VWA3B: variants seen among roughly 807,000 people sequenced by gnomAD.
VWA3B encodes von Willebrand factor A domain containing 3B, also known as von Willebrand factor A domain-containing protein 3B.
Under a neutral mutation model 158.3 loss-of-function variants are expected in VWA3B, and 138 were observed. That is an observed-to-expected ratio of 0.87 (90% CI 0.76 to 1.00). The LOEUF is 1.00. Ranked by LOEUF, VWA3B falls within the 50% of genes least tolerant of loss-of-function variation. VWA3B has a pLI of 0.00. For missense variants in VWA3B, 1,555 were observed against 1,565.1 expected (o/e 0.99, Z 0.11); for synonymous variants, 596 against 587.3 (o/e 1.01, Z -0.21).
At chr2:98,301,026 C>T (rs1410737308) in intron 25 of VWA3B, among the ~76,000 whole-genome samples, 1 of 152,180 alleles carries the variant, frequency 6.6e-6, no homozygotes, top group African/African-American at 2.4e-5. Flanking sequence ...TGCGGTGGCT[C>T]ACGCCTGTAA....
intron 2 of VWA3B, among the ~76,000 whole-genome samples, chr2:98,100,997 C>T (rs575441627): frequency 2.1e-4 from 32 of 152,154 alleles, no homozygotes; most frequent in Non-Finnish European, 4.4e-5. Flanking sequence ...GCCTTCATCT[C>T]TGTTCTTTCT....
chr2:98,305,233 C>T (rs943579063), intron 26 of VWA3B, among the ~76,000 whole-genome samples: 6 of 152,208 alleles, frequency 3.9e-5, no homozygotes, highest in Non-Finnish European at 5.9e-5. Flanking sequence ...GACCCCATGT[C>T]TCCTTCTCCA....
chr2:98,099,866 C>A (rs1682965168), intron 2 of VWA3B, among the ~76,000 whole-genome samples: 1 of 151,840 alleles, frequency 6.6e-6, no homozygotes, highest in Non-Finnish European at 1.5e-5. Flanking sequence ...TTGCATTTTT[C>A]TTTGTGTTCA....
intron 7 of VWA3B, among the ~76,000 whole-genome samples, chr2:98,139,174 TC>T (rs1292348676): frequency 2.0e-5 from 3 of 152,042 alleles, no homozygotes; most frequent in African/African-American, 7.2e-5. Context: ...GTGTACTGGG[TC>T]CCCCAGCAGT....
At chr2:98,175,696 T>A (rs1679954395) in intron 8 of VWA3B, among the ~76,000 whole-genome samples, 1 of 152,152 alleles carries the variant, frequency 6.6e-6, no homozygotes, top group African/African-American at 2.4e-5. Context: ...GATGAAAACA[T>A]TAATTTACCC....
chr2:98,179,707 C>A (rs1680321235), intron 8 of VWA3B, among the ~76,000 whole-genome samples: 1 of 149,724 alleles, frequency 6.7e-6, no homozygotes, highest in Non-Finnish European at 1.5e-5. Context: ...CTTTTTCTTT[C>A]TTTCTTCTTT....
At chr2:98,200,031 T>A (rs1682394162) in intron 12 of VWA3B, among the ~76,000 whole-genome samples, 1 of 152,202 alleles carries the variant, frequency 6.6e-6, no homozygotes, top group Admixed American at 6.5e-5. Context: ...GTCAGGTTGT[T>A]TTATTTTAGA....
chr2:98,128,288 A>G lies in VWA3B; in HGVS notation c.752A>G (p.Lys251Arg), dbSNP rs1336275385. ...GTGGGGGATGTTCCTGAAGAATCCAAGGAGCTTCTCCTCCAGAGGGCCTTG... is the reference window on the plus strand; with the variant it reads ...GTGGGGGATGTTCCTGAAGAATCCAGGGAGCTTCTCCTCCAGAGGGCCTTG... Reference protein sequence around the residue: ...FVVGDVPEESKELLLQRALEI... With the variant: ...FVVGDVPEESRELLLQRALEI... Residue 251 changes from lysine to arginine, a missense_variant, in exon 6 of 28, where the codon AAG (lysine) becomes AGG (arginine). Transcript: ENST00000477737. 1 of 1,614,230 alleles carries G rather than the reference A, an allele frequency of 6.2e-7. No individual in the cohort carries two copies. The highest frequency in any genetic ancestry group is 2.2e-5 in the East Asian group (1 of 44,886).
At chr2:98,170,141 G>T (rs564954054) in intron 8 of VWA3B, among the ~76,000 whole-genome samples, 20 of 152,184 alleles carry the variant, frequency 1.3e-4, no homozygotes, top group African/African-American at 4.1e-4. Flanking sequence ...TGAATGAATG[G>T]ATGAATGAAT....
At chr2:98,181,879 A>T (rs897363376) in intron 9 of VWA3B, among the ~76,000 whole-genome samples, 1 of 152,222 alleles carries the variant, frequency 6.6e-6, no homozygotes, top group Non-Finnish European at 1.5e-5. Flanking sequence ...CCCCCAGATG[A>T]TGCTAACACT....
intron 19 of VWA3B, among the ~76,000 whole-genome samples, chr2:98,239,679 C>A (rs1418250532): frequency 6.6e-6 from 1 of 151,788 alleles, no homozygotes. Context: ...CTTCAGGAGG[C>A]CGAGGCAGCG....
chr2:98,226,052 G>A (rs1445862789), intron 14 of VWA3B, among the ~76,000 whole-genome samples: 1 of 152,280 alleles, frequency 6.6e-6, no homozygotes, highest in East Asian at 1.9e-4. Context: ...AAAAACCCCA[G>A]AAAAGTTTTT....
intron 1 of VWA3B, among the ~76,000 whole-genome samples, chr2:98,090,848 T>C (rs1330415347): frequency 2.6e-5 from 4 of 151,728 alleles, no homozygotes; most frequent in African/African-American, 9.7e-5. Context: ...CTCGAACTCC[T>C]GGGCTCAAGC....
chr2:98,171,290 G>A (rs1342837784), intron 8 of VWA3B, among the ~76,000 whole-genome samples: 1 of 152,146 alleles, frequency 6.6e-6, no homozygotes, highest in African/African-American at 2.4e-5. Flanking sequence ...CACAAATGGG[G>A]TATTTACGAT....
At chr2:98,326,367 T>C in the VWA3B span, among the ~76,000 whole-genome samples, 1 of 152,210 alleles carries the variant, frequency 6.6e-6, no homozygotes, top group South Asian at 2.1e-4. Context: ...TAAATTACCT[T>C]ATATCTATGA....
intron 9 of VWA3B, among the ~76,000 whole-genome samples, chr2:98,185,597 C>T (rs1469372150): frequency 1.3e-5 from 2 of 152,236 alleles, no homozygotes; most frequent in Non-Finnish European, 2.9e-5. Flanking sequence ...ACTCCACTCA[C>T]TCTCTGCAGG....
At chr2:98,176,365 C>T (rs951011803) in intron 8 of VWA3B, among the ~76,000 whole-genome samples, 2 of 143,024 alleles carry the variant, frequency 1.4e-5, no homozygotes, top group African/African-American at 5.2e-5. Context: ...AATTTCAGGT[C>T]ACTCAGTCTA....
intron 12 of VWA3B, among the ~76,000 whole-genome samples, chr2:98,208,022 G>T (rs1449356387): frequency 6.6e-6 from 1 of 151,218 alleles, no homozygotes; most frequent in Non-Finnish European, 1.5e-5. Flanking sequence ...ATCAAATTTT[G>T]CTTCATGTGT....
chr2:98,327,893 G>A, the VWA3B span, among the ~76,000 whole-genome samples: 1 of 152,172 alleles, frequency 6.6e-6, no homozygotes, highest in Non-Finnish European at 1.5e-5. Context: ...TCATCCGACA[G>A]CTGTTACCTA....
Sources: allele counts gnomAD v4.1 joint callset (sites outside exome capture counted in the v4.1 genomes callset), GRCh38; gene constraint gnomAD v4.1.1; transcripts MANE v1.5; gene names NCBI Gene and HGNC (gene_info 2026-07-23, HGNC 2026-07-21).